The following ATRNL1 variants were observed in gnomAD, a reference collection of about 807,000 sequenced individuals.
ATRNL1 encodes attractin like 1.
Under a neutral mutation model 182.7 loss-of-function variants are expected in ATRNL1, and 95 were observed. The observed-to-expected ratio is 0.52, with a 90% CI of 0.44 to 0.62. The LOEUF (loss-of-function observed/expected upper bound fraction) is 0.62. Ranked by LOEUF, ATRNL1 falls within the 20% of genes least tolerant of loss-of-function variation. ATRNL1 has a pLI of 0.00. For synonymous variants in ATRNL1, 576 were observed against 568.3 expected, an observed-to-expected ratio of 1.01 and a Z score of -0.19; for missense variants, 1,471 against 1,679.5, an observed-to-expected ratio of 0.88 and a Z score of 2.17.
intron 15 of ATRNL1, 65 bp downstream of exon 15, chr10:115,286,462 T>A (rs1852618764): frequency 8.8e-7 from 1 of 1,130,862 alleles, no homozygotes; most frequent in Non-Finnish European, 1.2e-6. Context: ...ATTTGAAATT[T>A]TTTTTTGGTT....
chr10:115,701,682 C>T (rs1294469773), intron 26 of ATRNL1, among the ~76,000 whole-genome samples: 1 of 151,920 alleles, frequency 6.6e-6, no homozygotes, highest in Non-Finnish European at 1.5e-5. Flanking sequence ...TCTGTGCACA[C>T]AAATTATAAA....
chr10:115,208,577 G>A (rs998364761), intron 8 of ATRNL1, among the ~76,000 whole-genome samples: 10 of 151,944 alleles, frequency 6.6e-5, no homozygotes, highest in African/African-American at 9.7e-5. Context: ...ATTTATTTTG[G>A]TACTACATCT....
chr10:115,871,227 C>A (rs1307960104), intron 28 of ATRNL1, among the ~76,000 whole-genome samples: 2 of 151,964 alleles, frequency 1.3e-5, no homozygotes, highest in Non-Finnish European at 2.9e-5. Context: ...TACCACCCAT[C>A]TGATACTTTC....
At chr10:115,628,387 G>T (rs895769978) in intron 26 of ATRNL1, among the ~76,000 whole-genome samples, 2 of 151,866 alleles carry the variant, frequency 1.3e-5, no homozygotes, top group African/African-American at 4.8e-5. Context: ...TTGGAGAAAC[G>T]TCTATTCAAG....
At chr10:115,875,571 C>G (rs7072418) in intron 28 of ATRNL1, among the ~76,000 whole-genome samples, 1 of 152,188 alleles carries the variant, frequency 6.6e-6, no homozygotes, top group African/African-American at 2.4e-5. Flanking sequence ...ATTCAAGGAT[C>G]TAAGTAGTCC....
chr10:115,311,137 G>A (rs962024938), intron 17 of ATRNL1, among the ~76,000 whole-genome samples: 1 of 150,486 alleles, frequency 6.6e-6, no homozygotes, highest in Non-Finnish European at 1.5e-5. Context: ...TTTTGGAATT[G>A]ATTTCTAGTT....
At chr10:115,732,920 A>T (rs1947842589) in intron 27 of ATRNL1, among the ~76,000 whole-genome samples, 1 of 152,184 alleles carries the variant, frequency 6.6e-6, no homozygotes, top group African/African-American at 2.4e-5. Flanking sequence ...TTGGAAAGTT[A>T]TAGGCTGTCT....
At chr10:115,943,564 T>G (rs1237294175) in intron 28 of ATRNL1, among the ~76,000 whole-genome samples, 1 of 151,840 alleles carries the variant, frequency 6.6e-6, no homozygotes, top group African/African-American at 2.4e-5. Flanking sequence ...CTCTCATTCA[T>G]TGCTGGTGGA....
At chr10:115,109,078 G>A (rs965167864) in intron 1 of ATRNL1, among the ~76,000 whole-genome samples, 83 of 152,124 alleles carry the variant, frequency 5.5e-4, no homozygotes, top group African/African-American at 1.9e-3. Flanking sequence ...AAAGTTTTAG[G>A]CTTTCCCTGC....
chr10:115,536,761 C>T (rs1554990547), intron 25 of ATRNL1, among the ~76,000 whole-genome samples: 1 of 152,024 alleles, frequency 6.6e-6, no homozygotes, highest in Non-Finnish European at 1.5e-5. Flanking sequence ...TTGGCTCCTC[C>T]CAAAAATAAG....
At chr10:115,658,925 T>C (rs1860505224) in intron 26 of ATRNL1, among the ~76,000 whole-genome samples, 1 of 152,148 alleles carries the variant, frequency 6.6e-6, no homozygotes, top group South Asian at 2.1e-4. Flanking sequence ...ACATTCTTCT[T>C]CATATGGTGG....
chr10:115,336,991 C>A (rs1466377884), intron 19 of ATRNL1, among the ~76,000 whole-genome samples: 1 of 124,110 alleles, frequency 8.1e-6, no homozygotes, highest in African/African-American at 3.0e-5. Flanking sequence ...GGGGGGGGGA[C>A]TACAGGGGCC....
At chr10:115,546,589 A>G (rs1325166548) in intron 25 of ATRNL1, among the ~76,000 whole-genome samples, 3 of 151,840 alleles carry the variant, frequency 2.0e-5, no homozygotes, top group East Asian at 1.9e-4. Flanking sequence ...AAGTTACACT[A>G]TTATTCCAGG....
intron 28 of ATRNL1, among the ~76,000 whole-genome samples, chr10:115,867,869 T>G (rs1951475922): frequency 6.6e-6 from 1 of 152,094 alleles, no homozygotes; most frequent in East Asian, 1.9e-4. Flanking sequence ...TTCAAATAGC[T>G]GGGATCACAG....
chr10:115,530,508 TAA>T (rs1554987929), intron 25 of ATRNL1, among the ~76,000 whole-genome samples: 2 of 152,014 alleles, frequency 1.3e-5, no homozygotes, highest in Non-Finnish European at 2.9e-5. Flanking sequence ...AAAGAAATAA[TAA>T]GAGTTAAGCG....
At chr10:115,181,013 C>G (rs782586590) in intron 8 of ATRNL1, among the ~76,000 whole-genome samples, 4 of 151,766 alleles carry the variant, frequency 2.6e-5, no homozygotes, top group East Asian at 1.9e-4. Flanking sequence ...TCCAATAAAA[C>G]CTGATTTACA....
At chr10:115,160,285 A>G in intron 6 of ATRNL1, 71 bp downstream of exon 6, 1 of 1,414,332 alleles carries the variant, frequency 7.1e-7, no homozygotes, top group Non-Finnish European at 9.7e-7. Flanking sequence ...TTTTTTTTTA[A>G]TTGTTGTCCG....
intron 26 of ATRNL1, among the ~76,000 whole-genome samples, chr10:115,654,066 C>T (rs1033343718): frequency 1.3e-5 from 2 of 152,112 alleles, no homozygotes; most frequent in East Asian, 1.9e-4. Flanking sequence ...GAACTAAATA[C>T]AATATAAGCA....
chr10:115,861,482 T>C (rs1951315554), intron 28 of ATRNL1, among the ~76,000 whole-genome samples: 1 of 152,216 alleles, frequency 6.6e-6, no homozygotes. Context: ...CTTTGTCATG[T>C]ACCTTGCTAT....
Sources: allele counts gnomAD v4.1 joint callset (sites outside exome capture counted in the v4.1 genomes callset), GRCh38; gene constraint gnomAD v4.1.1; transcripts MANE v1.5; gene names NCBI Gene and HGNC (gene_info 2026-07-23, HGNC 2026-07-21).